IQCE: variants seen among roughly 807,000 people sequenced by gnomAD.
The protein encoded by IQCE is IQ motif containing E.
IQCE carries 115 observed loss-of-function variants against 96.0 expected under a neutral mutation model. The observed-to-expected ratio is 1.20, with a 90% CI of 1.03 to 1.40. The LOEUF is 1.40. Ranked by LOEUF, IQCE falls within the 40% of genes most tolerant of loss-of-function variation. The probability of loss-of-function intolerance (pLI) is 0.00; values close to 1 mark genes in which losing one functional copy is unlikely to be tolerated. For missense variants in IQCE, 1,041 were observed against 909.1 expected (o/e 1.15, Z -1.87); for synonymous variants, 412 against 371.2 (o/e 1.11, Z -1.26).
At position 2,595,113 on chromosome 7, in the gene IQCE, T is replaced by A. The variant is rs1583484038; in HGVS notation, c.1440+137T>A. 5.9e-6 allele frequency: 4 copies of A among 673,306 alleles called. No homozygotes were observed. The East Asian group carries it at 1.1e-4, about 18-fold the overall frequency. 41.7% of individuals were successfully genotyped at this position (673,306 alleles called of 1,614,324 possible). The stretch of plus-strand genomic sequence containing the variant: ...ACTCCCCTTTATCATCACCATTGAT[T>A]TCTATAACTCATGTCGTGTGTATCG... On this transcript the variant is annotated intron_variant, in intron 16 of 21. Transcript: ENST00000402050.
At chr7:2,577,126 C>T (rs537855511) in intron 6 of IQCE, among the ~76,000 whole-genome samples, 97 of 152,362 alleles carry the variant, frequency 6.4e-4, no homozygotes, top group Admixed American at 1.8e-3. Flanking sequence ...ACCCACCACA[C>T]ACAGAGCCCT....
chr7:2,585,068 A>G (rs921421314), intron 11 of IQCE, among the ~76,000 whole-genome samples: 1 of 121,164 alleles, frequency 8.3e-6, no homozygotes, highest in Non-Finnish European at 1.8e-5. Flanking sequence ...TTTTTTTGGC[A>G]AATGTTGCCC....
Position 2,583,884 on chromosome 7 carries a change from AGGGCGGGCACCGTGCTGGGCGGCG to A in IQCE, c.774+188_774+211del. On this transcript the variant is annotated intron_variant, in intron 10 of 21. Coordinates refer to ENST00000402050, the MANE Select transcript of IQCE (RefSeq NM_152558.5). ...GGCACCGTGCTGGGTGGCGGGGCGG[AGGGCGGGCACCGTGCTGGGCGGCG>A]GGGCGGGCACCGAGCTGGGCGGCGG... Among the ~76,000 whole-genome samples the A allele has an allele frequency of 5.2e-5, 2 of 38,582 alleles. 1 individual carries two copies. Among genetic ancestry groups the A allele is most frequent in the Non-Finnish European group, 9.5e-5 (2 of 21,098 alleles). The allele number at this position is 38,582 out of a possible 152,430, so 25.3% of individuals were successfully genotyped here.
At chr7:2,597,246 G>A (rs1032319274) in intron 16 of IQCE, 11 of 412,674 alleles carry the variant, frequency 2.7e-5, no homozygotes, top group South Asian at 2.0e-4. Context: ...GGTGATTAAG[G>A]CTGAGAAACA....
chr7:2,594,168 G>A (rs1430516054), intron 15 of IQCE, among the ~76,000 whole-genome samples: 1 of 152,204 alleles, frequency 6.6e-6, no homozygotes, highest in Non-Finnish European at 1.5e-5. Flanking sequence ...GCTGAGGCAG[G>A]AGAATAGCTT....
Position 2,584,094 on chromosome 7 carries a change from C to T in IQCE, c.775-142C>T, listed in dbSNP as rs116453294. 3,975 of 768,316 alleles carry T rather than the reference C, an allele frequency of 5.2e-3. 123 individuals are homozygous for T. In the African/African-American group the frequency reaches 0.059, roughly 11 times the overall value. The allele number at this position is 768,316 out of a possible 1,614,324, so 47.6% of individuals were successfully genotyped here. A position where few individuals can be genotyped will look rare whatever the true frequency, so the allele number is the denominator to read the frequency against. ...CTCCTGGAGCCTGCTCCTGCTTCAGCCCAACGGAAAGATGAAGTGCGGCCA... is the reference window on the plus strand; with the variant it reads ...CTCCTGGAGCCTGCTCCTGCTTCAGTCCAACGGAAAGATGAAGTGCGGCCA... On this transcript the variant is annotated intron_variant, in intron 10 of 21. Coordinates refer to ENST00000402050, the MANE Select transcript of IQCE (RefSeq NM_152558.5).
intron 1 of IQCE, among the ~76,000 whole-genome samples, chr7:2,559,758 A>T (rs929735611): frequency 8.9e-5 from 2 of 22,382 alleles, no homozygotes; most frequent in African/African-American, 3.2e-4. Flanking sequence ...AATAAGCTGC[A>T]TTCCAGTGGG....
At chr7:2,595,170 C>G (rs546042017) in intron 16 of IQCE, among the ~76,000 whole-genome samples, 194 bp downstream of exon 16, 3 of 152,238 alleles carry the variant, frequency 2.0e-5, no homozygotes, top group Non-Finnish European at 1.5e-5. Context: ...TGACTGTCAG[C>G]AAATTGACTT....
At position 2,611,644 on chromosome 7, in the gene IQCE, C is replaced by T. The variant is rs537016454; in HGVS notation, c.*1482C>T. Reference sequence around the variant, plus strand: ...TCTATGGGAGGAGGACACAGGTGTCCCCAGCCCAGCCTGTTCTCTCCCAGT... The same window carrying T: ...TCTATGGGAGGAGGACACAGGTGTCTCCAGCCCAGCCTGTTCTCTCCCAGT... On this transcript the variant is annotated 3_prime_UTR_variant, in exon 22 of 22. Transcript: ENST00000402050. The T allele has an allele frequency of 1.3e-5, 2 of 151,690 alleles. No individual in the cohort carries two copies. Among genetic ancestry groups the T allele is most frequent in the Admixed American group, 6.6e-5 (1 of 15,170 alleles). The allele number at this position is 151,690 out of a possible 1,614,324, so 9.4% of individuals were successfully genotyped here. A position where few individuals can be genotyped will look rare whatever the true frequency, so the allele number is the denominator to read the frequency against.
chr7:2,592,427 C>A (rs556911090), intron 14 of IQCE, among the ~76,000 whole-genome samples: 20 of 152,334 alleles, frequency 1.3e-4, no homozygotes, highest in African/African-American at 4.6e-4. Flanking sequence ...GGAGCCCTTA[C>A]CGTGTGACAG....
intron 21 of IQCE, among the ~76,000 whole-genome samples, chr7:2,609,424 C>T (rs1583529776): frequency 6.6e-6 from 1 of 151,720 alleles, no homozygotes; most frequent in Non-Finnish European, 1.5e-5. Context: ...GGGTTACAGG[C>T]ATGAGCCACT....
chr7:2,565,080 A>ATGTGTGCGTG (rs1022815701), intron 1 of IQCE, among the ~76,000 whole-genome samples: 2 of 150,614 alleles, frequency 1.3e-5, no homozygotes, highest in Non-Finnish European at 2.9e-5. Flanking sequence ...GTGTGAGTGC[A>ATGTGTGCGTG]TGTGTGCGTG....
intron 19 of IQCE, 120 bp downstream of exon 19, chr7:2,605,111 G>T (rs556050879): frequency 8.6e-6 from 6 of 699,080 alleles, no homozygotes; most frequent in East Asian, 5.5e-5. Context: ...CCCAGCAGGC[G>T]TCCCCTGCGC....
At chr7:2,595,085 C>A (rs1234384498) in intron 16 of IQCE, 109 bp downstream of exon 16, 2 of 756,356 alleles carry the variant, frequency 2.6e-6, no homozygotes, top group African/African-American at 3.4e-5. Context: ...CACTGAAAAT[C>A]CCACTCCCCT....
At chr7:2,561,521 T>C (rs897122029) in intron 1 of IQCE, among the ~76,000 whole-genome samples, 2 of 150,908 alleles carry the variant, frequency 1.3e-5, no homozygotes, top group Non-Finnish European at 3.0e-5. Flanking sequence ...CCCGGGTTCA[T>C]AGCATTCTCC....
rs567576639 is a variant in IQCE, at chr7:2,559,112, T to C, written c.-70T>C. On this transcript the variant is annotated 5_prime_UTR_variant, in exon 1 of 22. Transcript: ENST00000402050. ...CCCCGAGGCTGCGGGCGGCCAGGGCTGCCCGCGGATTCCCAGACCCGGACG... is the reference window on the plus strand; with the variant it reads ...CCCCGAGGCTGCGGGCGGCCAGGGCCGCCCGCGGATTCCCAGACCCGGACG... 2 of 955,068 alleles carry C rather than the reference T, an allele frequency of 2.1e-6. No individual in the cohort carries two copies. Among genetic ancestry groups the C allele is most frequent in the Admixed American group, 4.8e-5 (1 of 20,914 alleles). The allele number at this position is 955,068 out of a possible 1,614,324, so 59.2% of individuals were successfully genotyped here.
chr7:2,607,461 A>C, intron 21 of IQCE: 1 of 1,310,176 alleles, frequency 7.6e-7, no homozygotes, highest in Non-Finnish European at 9.7e-7. Flanking sequence ...TGCTGTCTTT[A>C]TTTTTTGCTC....
rs1312291574 is a variant in IQCE, at chr7:2,600,109, T to C, written c.1609-1332T>C. ...GTGCCTGGCCTTTTTTTTTTTCTTT[T>C]CAAAGACATTTTCTTTGGCAATGGG... On this transcript the variant is annotated intron_variant, in intron 17 of 21. Transcript: ENST00000402050. 3.3e-5 allele frequency among the ~76,000 whole-genome samples: 5 copies of C among 152,340 alleles called. No homozygotes were observed. The South Asian group carries it at 1.0e-3, about 32-fold the overall frequency.
intron 1 of IQCE, among the ~76,000 whole-genome samples, chr7:2,561,609 C>T (rs1562613386): frequency 6.6e-6 from 1 of 151,662 alleles, no homozygotes; most frequent in African/African-American, 2.4e-5. Context: ...TTTTGGTAGA[C>T]ACGGGGTTTC....
Sources: gnomAD v4.1 joint callset for allele counts (sites outside exome capture counted in the v4.1 genomes callset) on GRCh38, gnomAD v4.1.1 for gene constraint, MANE v1.5 for transcripts, NCBI Gene and HGNC (gene_info 2026-07-23, HGNC 2026-07-21) for gene names.